The following STT3B variants were observed in gnomAD, a reference collection of about 807,000 sequenced individuals.
The protein encoded by STT3B is STT3 oligosaccharyltransferase complex catalytic subunit B, also known as dolichyl-diphosphooligosaccharide--protein glycosyltransferase subunit STT3B.
In STT3B, 29 loss-of-function variants were observed where a neutral mutation model predicts 96.8. That is an observed-to-expected ratio of 0.30 (90% CI 0.22 to 0.41). The LOEUF (loss-of-function observed/expected upper bound fraction) is 0.41, where lower values mean the gene tolerates loss of function less well. Among genes scored for constraint, STT3B ranks in the 10% least tolerant of loss-of-function variants. The pLI is 1.00. For missense variants in STT3B, 640 were observed against 1,022.3 expected, an observed-to-expected ratio of 0.63 and a Z score of 5.10; for synonymous variants, 367 against 360.0, an observed-to-expected ratio of 1.02 and a Z score of -0.22.
At chr3:31,533,672 G>T (rs954388359) in intron 1 of STT3B, 20 of 166,046 alleles carry the variant, frequency 1.2e-4, no homozygotes, top group African/African-American at 4.5e-4. Flanking sequence ...GACCCGCCAC[G>T]CCAGGAGGCG....
chr3:31,560,264 C>T, intron 1 of STT3B, among the ~76,000 whole-genome samples: 1 of 151,946 alleles, frequency 6.6e-6, no homozygotes. Flanking sequence ...TGTTCTTTCT[C>T]TCATAATTTA....
At chr3:31,610,812 TTTC>T (rs1393482590) in intron 5 of STT3B, among the ~76,000 whole-genome samples, 2 of 152,214 alleles carry the variant, frequency 1.3e-5, no homozygotes, top group Non-Finnish European at 1.5e-5. Flanking sequence ...TATACATATC[TTTC>T]TAATGGTAAT....
intron 3 of STT3B, among the ~76,000 whole-genome samples, chr3:31,587,847 G>A (rs995997868): frequency 3.3e-5 from 5 of 152,088 alleles, no homozygotes; most frequent in Admixed American, 1.3e-4. Context: ...AATTTCCCAT[G>A]TGACTGACAG....
Position 31,559,154 on chromosome 3 carries a change from T to G in STT3B, c.315-17242T>G, listed in dbSNP as rs1399579691. Among the ~76,000 whole-genome samples the G allele has an allele frequency of 3.2e-4, 36 of 112,868 alleles. 3 individuals are homozygous for G. The highest frequency in any genetic ancestry group is 2.1e-3 in the Admixed American group (26 of 12,574). The allele number at this position is 112,868 out of a possible 152,430, so 74.0% of individuals were successfully genotyped here. A position where few individuals can be genotyped will look rare whatever the true frequency, so the allele number is the denominator to read the frequency against. On this transcript the variant is annotated intron_variant, in intron 1 of 15. Coordinates refer to ENST00000295770, the MANE Select transcript of STT3B (RefSeq NM_178862.3). The stretch of plus-strand genomic sequence containing the variant: ...GTTTCATTGATTCTTGGGGTGTGTG[T>G]GTGTGTGTGTGTGTGTGTGTGTGTG...
At chr3:31,560,989 G>T (rs1165861511) in intron 1 of STT3B, among the ~76,000 whole-genome samples, 1 of 151,860 alleles carries the variant, frequency 6.6e-6, no homozygotes, top group Non-Finnish European at 1.5e-5. Flanking sequence ...CAAAAGACTT[G>T]TCTAAGTTCT....
intron 2 of STT3B, among the ~76,000 whole-genome samples, 179 bp from the exon 3 acceptor site, chr3:31,579,629 TG>T (rs1559373322): frequency 6.6e-6 from 1 of 151,976 alleles, no homozygotes; most frequent in Non-Finnish European, 1.5e-5. Context: ...GCTAGTTCTT[TG>T]TATGCAACAC....
chr3:31,600,664 G>A (rs544122131), intron 5 of STT3B, among the ~76,000 whole-genome samples: 9 of 150,528 alleles, frequency 6.0e-5, no homozygotes, highest in South Asian at 2.1e-4. Flanking sequence ...TTTTTTTTTC[G>A]TTTTTGTAGA....
At chr3:31,619,466 T>C (rs1010961427) in intron 8 of STT3B, among the ~76,000 whole-genome samples, 1 of 152,200 alleles carries the variant, frequency 6.6e-6, no homozygotes, top group Non-Finnish European at 1.5e-5. Flanking sequence ...GATAATTCTC[T>C]GAATTTTACA....
chr3:31,541,854 G>A (rs1300624584), intron 1 of STT3B, among the ~76,000 whole-genome samples: 3 of 152,180 alleles, frequency 2.0e-5, no homozygotes, highest in African/African-American at 7.2e-5. Context: ...GGGATTACAG[G>A]CGTGAGCCAC....
intron 3 of STT3B, among the ~76,000 whole-genome samples, chr3:31,590,480 G>A (rs1184573628): frequency 1.3e-5 from 2 of 151,800 alleles, no homozygotes; most frequent in African/African-American, 4.8e-5. Flanking sequence ...TTAATATGTG[G>A]TGTTTTCATT....
At chr3:31,626,646 A>G (rs1699545389) in intron 13 of STT3B, among the ~76,000 whole-genome samples, 1 of 152,220 alleles carries the variant, frequency 6.6e-6, no homozygotes, top group South Asian at 2.1e-4. Context: ...TAGCAAGTCA[A>G]CATAATATGC....
chr3:31,545,819 T>G (rs931121337), intron 1 of STT3B, among the ~76,000 whole-genome samples: 1 of 151,896 alleles, frequency 6.6e-6, no homozygotes, highest in African/African-American at 2.4e-5. Context: ...GAGTGGTTTT[T>G]TTTTTTTTTT....
chr3:31,617,186 C>T (rs78092103), intron 7 of STT3B, 111 bp downstream of exon 7: 6,292 of 494,782 alleles, frequency 0.013, no homozygotes, highest in South Asian at 0.053. Context: ...TGATTTTTTT[C>T]TTTTTTTTTT....
intron 3 of STT3B, among the ~76,000 whole-genome samples, chr3:31,591,814 C>T (rs979863373): frequency 2.6e-5 from 4 of 152,008 alleles, no homozygotes; most frequent in Non-Finnish European, 4.4e-5. Context: ...TTCCAGTATT[C>T]TTTATTCTGT....
chr3:31,571,386 A>G (rs971664191), intron 1 of STT3B, among the ~76,000 whole-genome samples: 1 of 151,918 alleles, frequency 6.6e-6, no homozygotes, highest in Non-Finnish European at 1.5e-5. Context: ...TATTTTCAGC[A>G]TCACTAAGGG....
chr3:31,540,136 T>A (rs773501385), intron 1 of STT3B, among the ~76,000 whole-genome samples: 1 of 152,164 alleles, frequency 6.6e-6, no homozygotes, highest in African/African-American at 2.4e-5. Context: ...GAGGGGAAGT[T>A]ACTTTCTACC....
At chr3:31,587,243 G>C (rs1328988628) in intron 3 of STT3B, among the ~76,000 whole-genome samples, 1 of 145,392 alleles carries the variant, frequency 6.9e-6, no homozygotes, top group Non-Finnish European at 1.5e-5. Flanking sequence ...CCACTATCCA[G>C]TTACAGAACA....
intron 1 of STT3B, among the ~76,000 whole-genome samples, chr3:31,547,395 C>CGAG (rs1460753115): frequency 6.6e-6 from 1 of 152,176 alleles, no homozygotes; most frequent in East Asian, 1.9e-4. Context: ...CGGTGGCTCA[C>CGAG]ACCTGTCATT....
chr3:31,629,420 A>G lies in STT3B; in HGVS notation c.2187+9A>G, dbSNP rs760919793. ...GATTTGGAGAAATGCAGGTTAGTTA[A>G]ATCCATTTTTCTCTAATTTTCATTC... On this transcript the variant is annotated intron_variant, in intron 14 of 15. Transcript: ENST00000295770. 46 of 1,446,248 alleles carry G rather than the reference A, an allele frequency of 3.2e-5. No homozygotes were observed. In the Middle Eastern group the frequency reaches 5.2e-4, roughly 16 times the overall value. 89.6% of individuals were successfully genotyped at this position (1,446,248 alleles called of 1,614,324 possible). A position where few individuals can be genotyped will look rare whatever the true frequency, so the allele number is the denominator to read the frequency against.
Sources: gnomAD v4.1 joint callset for allele counts (sites outside exome capture counted in the v4.1 genomes callset) on GRCh38, gnomAD v4.1.1 for gene constraint, MANE v1.5 for transcripts, NCBI Gene and HGNC (gene_info 2026-07-23, HGNC 2026-07-21) for gene names.